The following GPBP1 variants were observed in gnomAD, a reference collection of about 807,000 sequenced individuals.
GPBP1 encodes the protein GC-rich promoter binding protein 1.
Under a neutral mutation model 56.5 loss-of-function variants are expected in GPBP1, and 13 were observed. That is an observed-to-expected ratio of 0.23 (90% CI 0.15 to 0.37). The LOEUF (loss-of-function observed/expected upper bound fraction) is 0.37. GPBP1 is among the 10% of genes least tolerant of loss of function. GPBP1 has a pLI of 1.00. For missense variants in GPBP1, 477 were observed against 572.3 expected, an observed-to-expected ratio of 0.83 and a Z score of 1.70; for synonymous variants, 204 against 188.9, an observed-to-expected ratio of 1.08 and a Z score of -0.66.
At chr5:57,260,149 A>T (rs1050118886) in intron 10 of GPBP1, among the ~76,000 whole-genome samples, 1 of 152,202 alleles carries the variant, frequency 6.6e-6, no homozygotes, top group Non-Finnish European at 1.5e-5. Flanking sequence ...ATTCAGAATC[A>T]TGTAAGCTGA....
chr5:57,247,319 T>C (rs1741140428), intron 8 of GPBP1, 104 bp downstream of exon 8: 2 of 956,194 alleles, frequency 2.1e-6, no homozygotes, highest in Non-Finnish European at 2.9e-6. Flanking sequence ...TTAAAATGAG[T>C]TTCATTCCTT....
At chr5:57,238,545 T>G (rs1740652219) in intron 6 of GPBP1, among the ~76,000 whole-genome samples, 1 of 151,724 alleles carries the variant, frequency 6.6e-6, no homozygotes, top group Admixed American at 6.6e-5. Context: ...GCAACAAGAG[T>G]GAAACTCCGT....
intron 2 of GPBP1, among the ~76,000 whole-genome samples, chr5:57,201,517 T>G (rs1755023221): frequency 6.6e-6 from 1 of 152,208 alleles, no homozygotes; most frequent in African/African-American, 2.4e-5. Context: ...ATAATAGTCA[T>G]GTAGCCTTAT....
intron 6 of GPBP1, chr5:57,245,632 G>T (rs1741055069): frequency 6.6e-6 from 1 of 152,140 alleles, no homozygotes; most frequent in South Asian, 2.1e-4. Flanking sequence ...GGAATAATAG[G>T]TATTTTTGGC....
chr5:57,247,044 T>C (rs552634590), intron 7 of GPBP1, 31 bp from the exon 8 acceptor site: 1 of 1,582,032 alleles, frequency 6.3e-7, no homozygotes, highest in Admixed American at 1.9e-5. Context: ...CTGTTTTTGA[T>C]AGCCATTAAT....
intron 2 of GPBP1, among the ~76,000 whole-genome samples, chr5:57,180,577 G>A (rs1753997558): frequency 6.6e-6 from 1 of 152,132 alleles, no homozygotes; most frequent in African/African-American, 2.4e-5. Flanking sequence ...CATGGCTGAG[G>A]GTTTGGAAGG....
chr5:57,259,321 T>TA (rs1218005577), intron 10 of GPBP1, among the ~76,000 whole-genome samples: 9 of 152,334 alleles, frequency 5.9e-5, no homozygotes, highest in African/African-American at 2.2e-4. Flanking sequence ...AGGTCTCAGA[T>TA]ATTCTGTGAG....
At chr5:57,241,289 G>C (rs540438689) in intron 6 of GPBP1, among the ~76,000 whole-genome samples, 1 of 152,348 alleles carries the variant, frequency 6.6e-6, no homozygotes, top group African/African-American at 2.4e-5. Context: ...ATATGTGGCA[G>C]TATTTTTGTT....
At chr5:57,191,027 T>G (rs1754501834) in intron 2 of GPBP1, among the ~76,000 whole-genome samples, 1 of 152,004 alleles carries the variant, frequency 6.6e-6, no homozygotes, top group Non-Finnish European at 1.5e-5. Context: ...CTGCCCGCCT[T>G]GGCCTCCCCA....
At chr5:57,215,456 G>A (rs1439835364) in intron 3 of GPBP1, among the ~76,000 whole-genome samples, 1 of 152,156 alleles carries the variant, frequency 6.6e-6, no homozygotes, top group Non-Finnish European at 1.5e-5. Flanking sequence ...ATTCCCAGCT[G>A]ATTGCTCTAT....
At position 57,230,796 on chromosome 5, in the gene GPBP1, AAGTTATATT is replaced by A. The variant is rs755639111; in HGVS notation, c.64-49_64-41del. 15 of 1,499,332 alleles carry A rather than the reference AAGTTATATT, an allele frequency of 1.0e-5. No individual in the cohort carries two copies. The African/African-American group carries it at 1.6e-4, about 15-fold the overall frequency. The allele number at this position is 1,499,332 out of a possible 1,614,324, so 92.9% of individuals were successfully genotyped here. A position where few individuals can be genotyped will look rare whatever the true frequency, so the allele number is the denominator to read the frequency against. On this transcript the variant is annotated intron_variant, in intron 3 of 11. Transcript: ENST00000506184. ...GAAGTTGGAGTATTACTAGTTTTTA[AAGTTATATT>A]TAGGTTTCATAAATACCTGTATTTT...
At chr5:57,209,817 C>T (rs1011409067) in intron 2 of GPBP1, among the ~76,000 whole-genome samples, 1 of 152,106 alleles carries the variant, frequency 6.6e-6, no homozygotes, top group African/African-American at 2.4e-5. Context: ...TTGAGTCACT[C>T]TTGCATTCCT....
At chr5:57,251,184 C>G in intron 10 of GPBP1, 43 bp downstream of exon 10, 1 of 1,469,040 alleles carries the variant, frequency 6.8e-7, no homozygotes, top group South Asian at 1.3e-5. Context: ...TTTCTGTATT[C>G]GAGATTTCAA....
intron 2 of GPBP1, among the ~76,000 whole-genome samples, chr5:57,187,637 C>T (rs1040951500): frequency 3.3e-5 from 5 of 152,140 alleles, no homozygotes; most frequent in Admixed American, 6.6e-5. Flanking sequence ...TGATATTGGC[C>T]AACATAGTCT....
chr5:57,225,967 C>T (rs1028863971), intron 3 of GPBP1, among the ~76,000 whole-genome samples: 14 of 152,186 alleles, frequency 9.2e-5, no homozygotes, highest in South Asian at 4.1e-4. Context: ...TGAAAGTTAA[C>T]GACATGTGTA....
At chr5:57,240,658 A>G (rs915353560) in intron 6 of GPBP1, among the ~76,000 whole-genome samples, 2 of 152,148 alleles carry the variant, frequency 1.3e-5, no homozygotes, top group African/African-American at 2.4e-5. Context: ...GGTGAGGATG[A>G]CCACAAAAAT....
chr5:57,182,428 A>C (rs1480132134), intron 2 of GPBP1, among the ~76,000 whole-genome samples: 1 of 151,776 alleles, frequency 6.6e-6, no homozygotes, highest in Non-Finnish European at 1.5e-5. Context: ...GCTGGGGTGC[A>C]GTGGTGCGAT....
chr5:57,231,377 G>A, intron 5 of GPBP1, 56 bp downstream of exon 5: 1 of 1,383,000 alleles, frequency 7.2e-7, no homozygotes, highest in Non-Finnish European at 1.0e-6. Context: ...TATTTTAAGT[G>A]ATTCTCCTGC....
At chr5:57,201,452 G>A (rs1272931030) in intron 2 of GPBP1, among the ~76,000 whole-genome samples, 3 of 152,016 alleles carry the variant, frequency 2.0e-5, no homozygotes, top group African/African-American at 7.2e-5. Flanking sequence ...ACTCCTAAGT[G>A]CTGGAATTAT....
Sources: gnomAD v4.1 joint callset for allele counts (sites outside exome capture counted in the v4.1 genomes callset) on GRCh38, gnomAD v4.1.1 for gene constraint, MANE v1.5 for transcripts, NCBI Gene and HGNC (gene_info 2026-07-23, HGNC 2026-07-21) for gene names.